Variants in ZFYVE26 observed in about 807,000 individuals in gnomAD.
The protein encoded by ZFYVE26 is zinc finger FYVE-type containing 26.
In ZFYVE26, 181 loss-of-function variants were observed where a neutral mutation model predicts 276.5. That is an observed-to-expected ratio of 0.65 (90% CI 0.58 to 0.74). ZFYVE26 has a LOEUF of 0.74. ZFYVE26 is among the 30% of genes least tolerant of loss of function. The pLI is 0.00. For missense variants in ZFYVE26, 2,821 were observed against 3,097.9 expected (o/e 0.91, Z 2.12); for synonymous variants, 1,129 against 1,203.1 (o/e 0.94, Z 1.27).
chr14:67,809,955 T>C (rs1328822383), intron 3 of ZFYVE26, among the ~76,000 whole-genome samples: 2 of 151,866 alleles, frequency 1.3e-5, no homozygotes, highest in Non-Finnish European at 2.9e-5. Flanking sequence ...TGGCTAATTT[T>C]GTGTATTTGT....
At chr14:67,778,346 C>T in intron 23 of ZFYVE26, 98 bp from the exon 24 acceptor site, 3 of 1,465,028 alleles carry the variant, frequency 2.0e-6, no homozygotes, top group Non-Finnish European at 2.9e-6. Context: ...TTTATAAGTG[C>T]TGATGGGAAC....
At chr14:67,756,275 T>G (rs545704070) in intron 35 of ZFYVE26, 130 bp from the exon 36 acceptor site, 225 of 939,824 alleles carry the variant, frequency 2.4e-4, no homozygotes, top group Non-Finnish European at 3.5e-4. Flanking sequence ...TAATCTTTTA[T>G]GTGTCACAGA....
rs745699733 is a variant in ZFYVE26 at position 67,767,826 on chromosome 14, T to C, written c.5668A>G (p.Lys1890Glu). 70 of 1,614,070 alleles carry C rather than the reference T, an allele frequency of 4.3e-5. No homozygotes were observed. Among genetic ancestry groups the C allele is most frequent in the African/African-American group, 5.3e-5 (4 of 74,926 alleles). Residue 1890 changes from lysine (K) to glutamate (E), a missense_variant, in exon 31 of 42, where the codon AAG becomes GAG. By Grantham distance (56) the Lys-to-Glu change is moderately conservative (BLOSUM62 1). Coordinates refer to ENST00000347230, the MANE Select transcript of ZFYVE26 (RefSeq NM_015346.4). ...AACGAGTATGGAGGGCTTTCATTCT[T>C]GGAGCTGTCTAGAGCTGAGAAGAGA... ...SEKPEALDSSKNESPPYSFVV... is the reference protein window; with the variant it reads ...SEKPEALDSSENESPPYSFVV...
chr14:67,807,729 A>G lies in ZFYVE26; in HGVS notation c.555T>C (p.Cys185=). 6.2e-7 allele frequency: 1 copy of G among 1,614,154 alleles called. No homozygotes were observed. The highest frequency in any genetic ancestry group is 8.5e-7 in the Non-Finnish European group (1 of 1,180,026). Residue 185 remains cysteine (C), a synonymous_variant, in exon 5 of 42, where the codon TGT becomes TGC. Transcript: ENST00000347230. ...CCAGTGCATTCTGCAGAGGCCAGTG[A>G]CAGAGGCCAGTACCGTCATCCTCCT... ...LLEEDDGTGL[C]HWPLQNALVD... is the part of the protein sequence containing the mutation.
intron 10 of ZFYVE26, among the ~76,000 whole-genome samples, chr14:67,800,445 T>C (rs1382293692): frequency 3.9e-5 from 6 of 152,146 alleles, no homozygotes; most frequent in Non-Finnish European, 8.8e-5. Context: ...AAATCCAAAC[T>C]TTTCAAACTG....
chr14:67,766,504 C>T (rs1192276800), intron 31 of ZFYVE26, 57 bp from the exon 32 acceptor site: 2 of 1,538,274 alleles, frequency 1.3e-6, no homozygotes, highest in Non-Finnish European at 1.8e-6. Context: ...AGAGCATTCT[C>T]CAAAGGCAGC....
intron 23 of ZFYVE26, among the ~76,000 whole-genome samples, chr14:67,778,489 G>T (rs1203998920): frequency 6.6e-6 from 1 of 152,200 alleles, no homozygotes; most frequent in African/African-American, 2.4e-5. Context: ...CTAAGGAAGT[G>T]GGAAAGACTG....
At chr14:67,799,130 C>A in intron 10 of ZFYVE26, 1 of 1,441,816 alleles carries the variant, frequency 6.9e-7, no homozygotes, top group Non-Finnish European at 9.8e-7. Flanking sequence ...GGCGTACTGG[C>A]GGCTACTCTT....
At chr14:67,778,035 G>A (rs2039393452) in intron 24 of ZFYVE26, 91 bp downstream of exon 24, 1 of 1,560,502 alleles carries the variant, frequency 6.4e-7, no homozygotes, top group South Asian at 1.1e-5. Flanking sequence ...AGCTGAGATT[G>A]CATGGGATTC....
chr14:67,793,495 C>T, intron 14 of ZFYVE26, 113 bp downstream of exon 14: 1 of 1,240,308 alleles, frequency 8.1e-7, no homozygotes, highest in Non-Finnish European at 1.1e-6. Context: ...GCTTCTGCTT[C>T]TTCTGCTTGA....
chr14:67,734,096 G>T, intron 13 of ZFYVE26: 1 of 387,316 alleles, frequency 2.6e-6, no homozygotes, highest in Non-Finnish European at 5.0e-6. Context: ...CAACCCTCTG[G>T]GGGCAGCAGG....
At position 67,729,273 on chromosome 14, in the gene ZFYVE26, C is replaced by A. The variant is rs372991397; in HGVS notation, n.3226G>T. On this transcript the variant is annotated non_coding_transcript_exon_variant, in exon 14 of 15. Transcript: ENST00000394455. ...GGCACTCCTCCCTGCTCTGCCTGCTCTGGCGGCTCTTCTCCCCCTTTGTCA... is the reference window on the plus strand; with the variant it reads ...GGCACTCCTCCCTGCTCTGCCTGCTATGGCGGCTCTTCTCCCCCTTTGTCA... The A allele has an allele frequency of 6.2e-7, 1 of 1,606,732 alleles. No homozygotes were observed. The highest frequency in any genetic ancestry group is 8.5e-7 in the Non-Finnish European group (1 of 1,179,960).
At chr14:67,744,721 T>C (rs941300839), downstream of ZFYVE26, among the ~76,000 whole-genome samples, 29 of 152,340 alleles carry the variant, frequency 1.9e-4, no homozygotes, top group Admixed American at 1.7e-3. Context: ...GCTTCATCCA[T>C]GTCCCTGCAA....
Position 67,761,902 on chromosome 14 carries a change from CAT to C in ZFYVE26, c.6369+299_6369+300del, listed in dbSNP as rs61203503. 2.1e-3 allele frequency: 1,186 copies of C among 554,794 alleles called. 11 individuals carry two copies. The East Asian group carries it at 0.024, about 11-fold the overall frequency. The allele number at this position is 554,794 out of a possible 1,614,324, so 34.4% of individuals were successfully genotyped here. A position where few individuals can be genotyped will look rare whatever the true frequency, so the allele number is the denominator to read the frequency against. On this transcript the variant is annotated intron_variant, in intron 34 of 41. Coordinates refer to ENST00000347230, the MANE Select transcript of ZFYVE26 (RefSeq NM_015346.4). Reference sequence around the variant, plus strand: ...ACCCCAGTTTCATTAAACAACATAACATAGAAAATTCACCAGAATTTTAACAC... The same window carrying C: ...ACCCCAGTTTCATTAAACAACATAACAGAAAATTCACCAGAATTTTAACAC...
rs922908710 is a variant in ZFYVE26, at chr14:67,805,387, T to C, written c.1182+67A>G. On this transcript the variant is annotated intron_variant, in intron 7 of 41. Coordinates refer to ENST00000347230, the MANE Select transcript of ZFYVE26 (RefSeq NM_015346.4). The stretch of plus-strand genomic sequence containing the variant: ...TATGACTGATTTTAGGGCTCTGCAT[T>C]CAGCCTAAGCCCGAAGCCCCACGTC... 1.9e-6 allele frequency: 3 copies of C among 1,613,260 alleles called. No individual in the cohort carries two copies. In the African/African-American group the frequency reaches 4.0e-5, roughly 22 times the overall value.
In ZFYVE26 at chr14:67,789,432, T is replaced by C. The variant is rs1482177785; in HGVS notation, c.2922A>G (p.Ala974=). The C allele has an allele frequency of 9.9e-6, 16 of 1,614,042 alleles. No individual in the cohort carries two copies. The highest frequency in any genetic ancestry group is 1.4e-5 in the Non-Finnish European group (16 of 1,180,016). Residue 974 remains alanine (A), a synonymous_variant, in exon 16 of 42, where the codon GCA becomes GCG. Transcript: ENST00000347230. The part of the protein sequence containing the change: ...LEDLSPPAMA[A]FDLACSQCQL... ...GGCACTGAGAGCAAGCTAGGTCAAA[T>C]GCAGCCATGGCAGGGGGACTGAGGT...
intron 21 of ZFYVE26, 89 bp from the exon 22 acceptor site, chr14:67,781,618 T>C (rs2039502945): frequency 1.6e-6 from 2 of 1,236,822 alleles, no homozygotes; most frequent in Non-Finnish European, 2.3e-6. Context: ...AGGGCTTTCT[T>C]CAATCTCGTA....
rs775399406 is a variant in ZFYVE26 at position 67,805,460 on chromosome 14, C to A, written c.1176G>T (p.Arg392Ser). The A allele has an allele frequency of 1.2e-6, 2 of 1,614,192 alleles. No individual in the cohort carries two copies. Among genetic ancestry groups the A allele is most frequent in the Non-Finnish European group, 1.7e-6 (2 of 1,180,054 alleles). Residue 392 changes from arginine (R) to serine (S), a missense_variant, in exon 7 of 42, where the codon AGG becomes AGT. Arg to Ser is a moderately radical substitution (Grantham distance 110). Transcript: ENST00000347230. The stretch of plus-strand genomic sequence containing the variant: ...GATGCTGAGTGAGAGTTACCTGGGT[C>A]CTGTGCAGGGTCTGGAGCAGCCTCT... ...SAKRLLQTLH[R>S]TQGPGCDELL...
Position 67,790,574 on chromosome 14 carries a change from G to T in ZFYVE26, c.2753C>A (p.Ala918Glu). Residue 918 changes from alanine to glutamate, a missense_variant and splice_region_variant, in exon 15 of 42, where the codon GCA becomes GAA. Transcript: ENST00000347230. ...TGGTGTTAGCAGGGAAGCCTGACCT[G>T]CTGCTGCAGCGCTGCCAATGGCCTG... ...TLQAIGSAAA[A>E]GMVFYSISDV... 1 of 1,613,320 alleles carries T rather than the reference G, an allele frequency of 6.2e-7. No homozygotes were observed. Among genetic ancestry groups the T allele is most frequent in the Non-Finnish European group, 8.5e-7 (1 of 1,179,852 alleles).
Sources: gnomAD v4.1 joint callset for allele counts (sites outside exome capture counted in the v4.1 genomes callset) on GRCh38, gnomAD v4.1.1 for gene constraint, MANE v1.5 for transcripts, NCBI Gene and HGNC (gene_info 2026-07-23, HGNC 2026-07-21) for gene names.